The following KSR1 variants were observed in gnomAD, a reference collection of about 807,000 sequenced individuals.
The protein encoded by KSR1 is kinase suppressor of ras.
Under a neutral mutation model 92.9 loss-of-function variants are expected in KSR1, and 35 were observed. The ratio of observed to expected loss-of-function variants is 0.38; its 90% confidence interval spans 0.29 to 0.50. The LOEUF (loss-of-function observed/expected upper bound fraction) is 0.50, where lower values mean the gene tolerates loss of function less well. KSR1 is among the 20% of genes least tolerant of loss of function. The probability of loss-of-function intolerance (pLI) is 0.94; values close to 1 mark genes in which losing one functional copy is unlikely to be tolerated. For synonymous variants in KSR1, 467 were observed against 472.6 expected (o/e 0.99, Z 0.15); for missense variants, 972 against 1,158.5 (o/e 0.84, Z 2.34).
intron 6 of KSR1, among the ~76,000 whole-genome samples, chr17:27,589,044 G>C (rs1358824867): frequency 6.6e-6 from 1 of 152,216 alleles, no homozygotes; most frequent in East Asian, 1.9e-4. Flanking sequence ...AGCCTCCACA[G>C]ACCTGGTTGC....
chr17:27,461,694 G>A (rs1325206909), intron 1 of KSR1, among the ~76,000 whole-genome samples: 1 of 152,366 alleles, frequency 6.6e-6, no homozygotes, highest in East Asian at 1.9e-4. Flanking sequence ...CTGTGAGCCT[G>A]GGGAGGGCTG....
intron 1 of KSR1, among the ~76,000 whole-genome samples, chr17:27,535,120 T>C (rs2070707516): frequency 6.6e-6 from 1 of 152,150 alleles, no homozygotes; most frequent in South Asian, 2.1e-4. Context: ...GGTTTTAATC[T>C]ATGAATTTAA....
chr17:27,488,906 G>A (rs2150957658), intron 1 of KSR1, among the ~76,000 whole-genome samples: 1 of 152,360 alleles, frequency 6.6e-6, no homozygotes, highest in Admixed American at 6.5e-5. Flanking sequence ...GGAGGTTGCA[G>A]TAAGCCGAGA....
intron 1 of KSR1, among the ~76,000 whole-genome samples, chr17:27,513,122 T>C (rs1024299240): frequency 1.3e-5 from 2 of 152,258 alleles, no homozygotes; most frequent in African/African-American, 2.4e-5. Context: ...ATATATTCTT[T>C]AGTGTCTGGT....
chr17:27,572,798 T>C (rs1057343054), intron 2 of KSR1, among the ~76,000 whole-genome samples: 2 of 152,232 alleles, frequency 1.3e-5, no homozygotes, highest in African/African-American at 4.8e-5. Flanking sequence ...GTCACATCCA[T>C]GTGTGAGGTT....
intron 18 of KSR1, among the ~76,000 whole-genome samples, chr17:27,614,195 A>T (rs1312469519): frequency 6.6e-6 from 1 of 152,226 alleles, no homozygotes; most frequent in East Asian, 1.9e-4. Context: ...TATTATGCTC[A>T]TTACCTCAAA....
chr17:27,576,983 GAA>G (rs1407252852), intron 2 of KSR1, among the ~76,000 whole-genome samples: 3 of 152,016 alleles, frequency 2.0e-5, no homozygotes, highest in Admixed American at 2.0e-4. Context: ...TGGGGCCAGT[GAA>G]AAGTTTTGAT....
rs546637524 is a variant in KSR1 at position 27,607,659 on chromosome 17, G to A, written c.1995-255G>A. Among the ~76,000 whole-genome samples the A allele has an allele frequency of 2.0e-5, 3 of 152,280 alleles. No individual in the cohort carries two copies. The East Asian group carries it at 5.8e-4, about 29-fold the overall frequency. ...GAGCTTTGATGCACTGTTTCCTGTT[G>A]TAGGATGGGCAGGCACTGGCTCTCA... On this transcript the variant is annotated intron_variant, in intron 14 of 20. Coordinates refer to ENST00000644974, the MANE Select transcript of KSR1 (RefSeq NM_001394583.1).
chr17:27,618,511 A>G (rs1368704401), intron 19 of KSR1, among the ~76,000 whole-genome samples: 1 of 152,190 alleles, frequency 6.6e-6, no homozygotes, highest in Non-Finnish European at 1.5e-5. Context: ...TATTGGAGGC[A>G]TTGCAGGCCA....
rs576714595 is a variant in KSR1 at position 27,590,868 on chromosome 17, A to G, written c.1104A>G (p.Ile368Met). 1 of 1,610,054 alleles carries G rather than the reference A, an allele frequency of 6.2e-7. No individual in the cohort carries two copies. Among genetic ancestry groups the G allele is most frequent in the East Asian group, 2.2e-5 (1 of 44,658 alleles). The change falls in exon 7 of 21, where the codon ATA becomes ATG. Residue 368 changes from isoleucine (I) to methionine (M), a missense_variant. Physicochemically the swap from Ile to Met is conservative, Grantham distance 10 (BLOSUM62 1). This residue lies in a region of KSR1 where 611 missense variants were observed against 668.0 expected (regional missense o/e 0.91). Transcript: ENST00000644974. ...QVCHVCQKSMIFGVKCKHCRL... is the reference protein window; with the variant it reads ...QVCHVCQKSMMFGVKCKHCRL... ...GCCACGTGTGCCAGAAGAGCATGAT[A>G]TTTGGAGTGAAGTGCAAGCATTGCA...
At chr17:27,478,125 G>A (rs1426954705) in intron 1 of KSR1, among the ~76,000 whole-genome samples, 1 of 152,204 alleles carries the variant, frequency 6.6e-6, no homozygotes, top group Non-Finnish European at 1.5e-5. Context: ...AAATTCCAGG[G>A]CTTAGCCCAG....
intron 9 of KSR1, among the ~76,000 whole-genome samples, chr17:27,593,890 C>T (rs1464976981): frequency 6.6e-6 from 1 of 152,208 alleles, no homozygotes; most frequent in East Asian, 1.9e-4. Flanking sequence ...AGATGTCACT[C>T]GTGCCGCATC....
intron 1 of KSR1, among the ~76,000 whole-genome samples, chr17:27,496,863 G>A (rs2069005346): frequency 6.6e-6 from 1 of 152,252 alleles, no homozygotes; most frequent in Non-Finnish European, 1.5e-5. Context: ...TTTGCTAGCA[G>A]CCACAGCCCT....
intron 1 of KSR1, among the ~76,000 whole-genome samples, chr17:27,544,832 G>C (rs1037854746): frequency 6.6e-6 from 1 of 152,262 alleles, no homozygotes; most frequent in Non-Finnish European, 1.5e-5. Context: ...TGGTTTGTCT[G>C]GGAAAGTAGC....
chr17:27,509,375 CT>C (rs2069512907), intron 1 of KSR1, among the ~76,000 whole-genome samples: 1 of 151,940 alleles, frequency 6.6e-6, no homozygotes, highest in African/African-American at 2.4e-5. Flanking sequence ...ACTGCAAGCT[CT>C]GCCTCCCGGG....
chr17:27,604,615 C>A (rs989853003), intron 12 of KSR1, 65 bp from the exon 13 acceptor site: 7 of 1,503,932 alleles, frequency 4.7e-6, no homozygotes, highest in Non-Finnish European at 5.6e-6. Flanking sequence ...TCCCGGGAGT[C>A]CCCGCTAGCT....
chr17:27,528,785 A>G (rs181858387), intron 1 of KSR1, among the ~76,000 whole-genome samples: 21 of 152,112 alleles, frequency 1.4e-4, no homozygotes, highest in Non-Finnish European at 2.8e-4. Context: ...TTCACCTGTA[A>G]CCCCAGCTAC....
intron 2 of KSR1, among the ~76,000 whole-genome samples, chr17:27,567,373 T>C (rs2072120230): frequency 6.6e-6 from 1 of 152,168 alleles, no homozygotes; most frequent in African/African-American, 2.4e-5. Context: ...GGAGGATTGC[T>C]TGAAGCCAGG....
At chr17:27,594,292 A>G (rs1227421970) in intron 9 of KSR1, among the ~76,000 whole-genome samples, 1 of 152,118 alleles carries the variant, frequency 6.6e-6, no homozygotes, top group Non-Finnish European at 1.5e-5. Context: ...TTATTTTCCC[A>G]GCCCGTCACA....
Sources: gnomAD v4.1 joint callset for allele counts (sites outside exome capture counted in the v4.1 genomes callset) on GRCh38, gnomAD v4.1.1 for gene constraint, gnomAD v4.1.1 regional missense constraint, MANE v1.5 for transcripts, NCBI Gene and HGNC (gene_info 2026-07-23, HGNC 2026-07-21) for gene names.